The following SCAF11 variants were observed in gnomAD, a reference collection of about 807,000 sequenced individuals.
SCAF11 encodes SR-related CTD associated factor 11, also known as protein SCAF11.
In SCAF11, 47 loss-of-function variants were observed where a neutral mutation model predicts 140.5. The observed-to-expected ratio is 0.33, with a 90% confidence interval of 0.26 to 0.43. The LOEUF is 0.43. Ranked by LOEUF, SCAF11 falls within the 20% of genes least tolerant of loss-of-function variation. The probability of loss-of-function intolerance (pLI) is 1.00; values close to 1 mark genes in which losing one functional copy is unlikely to be tolerated. For synonymous variants in SCAF11, 557 were observed against 579.4 expected, an observed-to-expected ratio of 0.96 and a Z score of 0.55; for missense variants, 1,645 against 1,705.1, an observed-to-expected ratio of 0.96 and a Z score of 0.62.
intron 5 of SCAF11, 45 bp from the exon 6 acceptor site, chr12:45,945,358 T>A: frequency 8.9e-7 from 1 of 1,128,872 alleles, no homozygotes; most frequent in Non-Finnish European, 1.3e-6. Context: ...AAAAAAACTG[T>A]CATTTTGCTC....
chr12:45,923,524 G>A (rs1040317805), intron 12 of SCAF11, among the ~76,000 whole-genome samples: 2 of 152,122 alleles, frequency 1.3e-5, no homozygotes, highest in African/African-American at 4.8e-5. Flanking sequence ...AAATAAGGCA[G>A]TAAAGTCAAA....
In SCAF11 at chr12:45,972,961, T is replaced by TATAG. The variant is rs1565689234; in HGVS notation, c.-21-8774_-21-8773insCTAT. 6.1e-5 allele frequency among the ~76,000 whole-genome samples: 5 copies of TATAG among 82,286 alleles called. 1 individual carries two copies. The highest frequency in any genetic ancestry group is 4.9e-4 in the East Asian group (1 of 2,038). The allele number at this position is 82,286 out of a possible 152,430, so 54.0% of individuals were successfully genotyped here. A position where few individuals can be genotyped will look rare whatever the true frequency, so the allele number is the denominator to read the frequency against. ...ATAGATATATATATAGATATATAGA[T>TATAG]ATATATATAGATATATAGATATATA... On this transcript the variant is annotated intron_variant, in intron 1 of 14. Transcript: ENST00000369367.
intron 6 of SCAF11, among the ~76,000 whole-genome samples, chr12:45,939,796 A>G (rs1473548055): frequency 6.6e-6 from 1 of 152,258 alleles, no homozygotes; most frequent in African/African-American, 2.4e-5. Flanking sequence ...ATCCTAGATA[A>G]AGAGACAGAC....
intron 1 of SCAF11, among the ~76,000 whole-genome samples, chr12:45,987,454 A>G (rs1367643394): frequency 6.6e-6 from 1 of 152,238 alleles, no homozygotes; most frequent in Non-Finnish European, 1.5e-5. Flanking sequence ...TTAGGTGACA[A>G]ATACTGACAA....
rs201119358 is a variant in SCAF11 at position 45,951,664 on chromosome 12, C to T, written c.283G>A (p.Glu95Lys). 2,109 of 1,587,942 alleles carry T rather than the reference C, an allele frequency of 1.3e-3. 1 individual carries two copies. Among genetic ancestry groups the T allele is most frequent in the Non-Finnish European group, 1.6e-3 (1,907 of 1,163,892 alleles). ...FQAVFKFSAL[E>K]GYVKVQVKKQ... ...AAAAGACTTACCTTAACATAACCTTCCAATGCACTGAATTTAAACACTGCC... is the reference window on the plus strand; with the variant it reads ...AAAAGACTTACCTTAACATAACCTTTCAATGCACTGAATTTAAACACTGCC... Residue 95 changes from glutamate to lysine, a missense_variant, in exon 4 of 15, where the codon GAA becomes AAA. By Grantham distance (56) the Glu-to-Lys change is moderately conservative. Coordinates refer to ENST00000369367, the MANE Select transcript of SCAF11 (RefSeq NM_004719.3).
intron 1 of SCAF11, among the ~76,000 whole-genome samples, chr12:45,983,784 C>CACAA (rs59166912): frequency 6.7e-6 from 1 of 149,376 alleles, no homozygotes. Flanking sequence ...CACACACACA[C>CACAA]AAAGACTGAA....
rs1358674214 is a variant in SCAF11, at chr12:45,964,097, G to C, written c.61+10C>G. On this transcript the variant is annotated intron_variant, in intron 2 of 14. Transcript: ENST00000369367. ...TTCAACAAACAAACTTTATAAAAAT[G>C]AAAAGTTACCTTCCATGTCTTCATA... 4.3e-6 allele frequency: 6 copies of C among 1,406,006 alleles called. No homozygotes were observed. The African/African-American group carries it at 8.5e-5, about 20-fold the overall frequency. The allele number at this position is 1,406,006 out of a possible 1,614,324, so 87.1% of individuals were successfully genotyped here.
chr12:45,953,028 G>A (rs1945587999), intron 3 of SCAF11, among the ~76,000 whole-genome samples: 1 of 152,154 alleles, frequency 6.6e-6, no homozygotes, highest in African/African-American at 2.4e-5. Flanking sequence ...CCAAAATATG[G>A]GCTGAGTTAC....
At position 45,926,227 on chromosome 12, in the gene SCAF11, T is replaced by C. The variant is rs927619261; in HGVS notation, c.3474A>G (p.Val1158=). The C allele has an allele frequency of 6.2e-7, 1 of 1,614,220 alleles. No homozygotes were observed. The highest frequency in any genetic ancestry group is 1.3e-5 in the African/African-American group (1 of 75,056). ...TGCCTCGTCGTGAGTAGTAGTTTTG[T>C]ACATCTGCTGGCAAAGTCTTTCTCA... ...WAVRKTLPAD[V]QNYYSRRGRN... is the part of the protein sequence containing the mutation. The change falls in exon 11 of 15, where the codon GTA becomes GTG. Residue 1158 remains valine (V), a synonymous_variant. Coordinates refer to ENST00000369367, the MANE Select transcript of SCAF11 (RefSeq NM_004719.3).
intron 1 of SCAF11, among the ~76,000 whole-genome samples, chr12:45,984,695 C>CT (rs539795330): frequency 0.11 from 15,033 of 136,562 alleles, 2,031 homozygotes; most frequent in African/African-American, 0.31. Flanking sequence ...TTCGCACTTC[C>CT]TTTTTTTTTT....
intron 6 of SCAF11, among the ~76,000 whole-genome samples, chr12:45,935,569 T>TAC (rs1444894015): frequency 2.0e-5 from 3 of 152,242 alleles, no homozygotes; most frequent in Admixed American, 6.5e-5. Context: ...TGCTGTGCTA[T>TAC]ACCTACATAG....
At chr12:45,969,065 A>G (rs1350029068) in intron 1 of SCAF11, among the ~76,000 whole-genome samples, 1 of 152,234 alleles carries the variant, frequency 6.6e-6, no homozygotes, top group Non-Finnish European at 1.5e-5. Context: ...TAAATTTTAA[A>G]TTTTTGTGAA....
chr12:45,972,764 TAAAAG>T (rs1316875411), intron 1 of SCAF11, among the ~76,000 whole-genome samples: 1 of 147,564 alleles, frequency 6.8e-6, no homozygotes, highest in South Asian at 2.1e-4. Context: ...AAAAGACAAT[TAAAAG>T]AAAACACCAC....
rs528876042 is a variant in SCAF11, at chr12:45,987,374, A to G, written c.-22+2979T>C. 6.5e-4 allele frequency among the ~76,000 whole-genome samples: 99 copies of G among 152,378 alleles called. No individual in the cohort carries two copies. In the South Asian group the frequency reaches 8.9e-3, roughly 14 times the overall value. ...TAGTCTAAAGTTTCAAACCACAATCACTATTTGTAACGTTTACAGCTGAAA... is the reference window on the plus strand; with the variant it reads ...TAGTCTAAAGTTTCAAACCACAATCGCTATTTGTAACGTTTACAGCTGAAA... On this transcript the variant is annotated intron_variant, in intron 1 of 14. Coordinates refer to ENST00000369367, the MANE Select transcript of SCAF11 (RefSeq NM_004719.3).
intron 1 of SCAF11, among the ~76,000 whole-genome samples, chr12:45,986,417 T>G (rs1207146933): frequency 6.6e-6 from 1 of 152,064 alleles, no homozygotes; most frequent in African/African-American, 2.4e-5. Flanking sequence ...TGAGCCCATC[T>G]CCACAATTAT....
At position 45,926,115 on chromosome 12, in the gene SCAF11, A is replaced by G. The variant is rs367566413; in HGVS notation, c.3559+27T>C. On this transcript the variant is annotated intron_variant, in intron 11 of 14. Transcript: ENST00000369367. ...TTTATAATTCTTCAAATAAAACAGT[A>G]TCAATAAACCAACAAGAATACATTA... 10 of 1,546,038 alleles carry G rather than the reference A, an allele frequency of 6.5e-6. No homozygotes were observed. In the African/African-American group the frequency reaches 9.7e-5, roughly 15 times the overall value.
chr12:45,924,656 TGAACA>T lies in SCAF11; in HGVS notation c.3906+67_3906+71del. On this transcript the variant is annotated intron_variant, in intron 12 of 14. Coordinates refer to ENST00000369367, the MANE Select transcript of SCAF11 (RefSeq NM_004719.3). The stretch of plus-strand genomic sequence containing the variant: ...TTTTGAATGCCAGGATGCCTTTTTT[TGAACA>T]TCTGTCATGAACAGCTAAATGTTTA... 2.4e-6 allele frequency: 3 copies of T among 1,265,510 alleles called. No homozygotes were observed. The Admixed American group carries it at 7.0e-5, about 29-fold the overall frequency. The allele number at this position is 1,265,510 out of a possible 1,614,324, so 78.4% of individuals were successfully genotyped here.
rs1946572395 is a variant in SCAF11 at position 45,990,497 on chromosome 12, G to A, written c.-166C>T. ...GGGTCTCTAGGACACTGACTCCGCTGGCTCGGTCCGGAGGCGGCGGCGAAG... is the reference window on the plus strand; with the variant it reads ...GGGTCTCTAGGACACTGACTCCGCTAGCTCGGTCCGGAGGCGGCGGCGAAG... On this transcript the variant is annotated 5_prime_UTR_variant, in exon 1 of 15. Transcript: ENST00000369367. 4 of 1,230,466 alleles carry A rather than the reference G, an allele frequency of 3.3e-6. No individual in the cohort carries two copies. Among genetic ancestry groups the A allele is most frequent in the Admixed American group, 8.5e-5 (2 of 23,632 alleles). The allele number at this position is 1,230,466 out of a possible 1,614,324, so 76.2% of individuals were successfully genotyped here. A position where few individuals can be genotyped will look rare whatever the true frequency, so the allele number is the denominator to read the frequency against.
intron 10 of SCAF11, chr12:45,930,818 A>T (rs1945024933): frequency 6.6e-6 from 1 of 152,180 alleles, no homozygotes; most frequent in Non-Finnish European, 1.5e-5. Flanking sequence ...TATATTTTAT[A>T]CATTAATGAC....
Sources: gnomAD v4.1 joint callset for allele counts (sites outside exome capture counted in the v4.1 genomes callset) on GRCh38, gnomAD v4.1.1 for gene constraint, MANE v1.5 for transcripts, NCBI Gene and HGNC (gene_info 2026-07-23, HGNC 2026-07-21) for gene names.